MEI4: variants seen among roughly 807,000 people sequenced by gnomAD.
The protein encoded by MEI4 is meiotic double-stranded break formation protein 4, also known as meiosis-specific protein MEI4.
MEI4 carries 27 observed loss-of-function variants against 31.4 expected under a neutral mutation model. That is an observed-to-expected ratio of 0.86 (90% confidence interval 0.63 to 1.19). MEI4 has a LOEUF of 1.19. MEI4 is among the 50% of genes most tolerant of loss of function. The pLI is 0.00. For missense variants in MEI4, 329 were observed against 398.9 expected (o/e 0.82, Z 1.49); for synonymous variants, 122 against 145.4 (o/e 0.84, Z 1.16).
intron 3 of MEI4, among the ~76,000 whole-genome samples, chr6:77,772,496 CATATG>C (rs981708908): frequency 6.6e-6 from 1 of 151,902 alleles, no homozygotes; most frequent in Non-Finnish European, 1.5e-5. Flanking sequence ...GTGGAAAAAG[CATATG>C]ATAAACTTCA....
chr6:77,790,752 T>C (rs1582146362), intron 3 of MEI4, among the ~76,000 whole-genome samples: 1 of 152,062 alleles, frequency 6.6e-6, no homozygotes, highest in African/African-American at 2.4e-5. Context: ...TATATTTAAT[T>C]TTTAAGTCAA....
intron 4 of MEI4, among the ~76,000 whole-genome samples, chr6:77,871,693 A>C (rs1448541478): frequency 6.6e-6 from 1 of 152,154 alleles, no homozygotes; most frequent in African/African-American, 2.4e-5. Flanking sequence ...ACTGAATCTA[A>C]AATAAAAGTT....
At chr6:77,805,435 AT>A (rs1769404536) in intron 3 of MEI4, among the ~76,000 whole-genome samples, 1 of 152,154 alleles carries the variant, frequency 6.6e-6, no homozygotes, top group South Asian at 2.1e-4. Flanking sequence ...TATTTGAAAA[AT>A]CTTTTATGTA....
At chr6:77,743,472 G>C (rs912077894) in intron 2 of MEI4, among the ~76,000 whole-genome samples, 2 of 152,116 alleles carry the variant, frequency 1.3e-5, no homozygotes, top group South Asian at 4.1e-4. Context: ...CATTGATTTT[G>C]TATCCTGAGA....
chr6:77,910,197 G>T (rs910773454), intron 4 of MEI4, among the ~76,000 whole-genome samples: 2 of 152,116 alleles, frequency 1.3e-5, no homozygotes, highest in African/African-American at 4.8e-5. Flanking sequence ...AGTGTTGGAA[G>T]TTCTGGCCAG....
chr6:77,910,395 G>T (rs988585773), intron 4 of MEI4, among the ~76,000 whole-genome samples: 2 of 152,158 alleles, frequency 1.3e-5, no homozygotes, highest in African/African-American at 4.8e-5. Context: ...AAAATCACAA[G>T]CATTCTTATA....
In MEI4 at chr6:77,695,866, T is replaced by A. The variant is rs186476585; in HGVS notation, c.232+4963T>A. On this transcript the variant is annotated intron_variant, in intron 2 of 4. Transcript: ENST00000684080. The stretch of plus-strand genomic sequence containing the variant: ...AAATTACCTTGGGCAGTATGGCCAT[T>A]TTCACGATATAGATTCTTCCTACCC... Among the ~76,000 whole-genome samples, 1,193 of 152,316 alleles carry A rather than the reference T, an allele frequency of 7.8e-3. 19 individuals are homozygous for A. Among genetic ancestry groups the A allele is most frequent in the African/African-American group, 0.028 (1,144 of 41,566 alleles).
intron 1 of MEI4, among the ~76,000 whole-genome samples, chr6:77,666,215 G>T (rs551553505): frequency 6.6e-6 from 1 of 152,140 alleles, no homozygotes; most frequent in Admixed American, 6.5e-5. Context: ...TCTCAAGGGT[G>T]GGGAGAATTA....
chr6:77,782,035 C>G (rs2127691366), intron 3 of MEI4, among the ~76,000 whole-genome samples: 1 of 152,140 alleles, frequency 6.6e-6, no homozygotes, highest in African/African-American at 2.4e-5. Context: ...ACATTTTTGT[C>G]TGGGAAACAG....
intron 3 of MEI4, among the ~76,000 whole-genome samples, chr6:77,794,356 G>C (rs933026231): frequency 4.3e-4 from 66 of 152,256 alleles, no homozygotes; most frequent in African/African-American, 1.6e-3. Context: ...GAGGTCAGGA[G>C]ATCGAGACCA....
chr6:77,902,530 A>G (rs1417766824), intron 4 of MEI4, among the ~76,000 whole-genome samples: 1 of 152,096 alleles, frequency 6.6e-6, no homozygotes, highest in Non-Finnish European at 1.5e-5. Context: ...TAGAAGCACT[A>G]CTGATTTTTG....
chr6:77,854,609 A>G (rs1379208745), intron 4 of MEI4, among the ~76,000 whole-genome samples: 4 of 152,180 alleles, frequency 2.6e-5, no homozygotes, highest in Non-Finnish European at 2.9e-5. Flanking sequence ...TAATAGCCAC[A>G]TAACAGTAGC....
intron 4 of MEI4, among the ~76,000 whole-genome samples, chr6:77,862,480 G>A (rs1770892374): frequency 6.6e-6 from 1 of 152,208 alleles, no homozygotes; most frequent in Non-Finnish European, 1.5e-5. Context: ...CTCTTTGCTA[G>A]CACAGCAGTC....
intron 4 of MEI4, among the ~76,000 whole-genome samples, chr6:77,869,726 T>C (rs1189408528): frequency 2.0e-5 from 3 of 152,018 alleles, no homozygotes; most frequent in Non-Finnish European, 2.9e-5. Flanking sequence ...GGTGGCAGAG[T>C]TGACATTTGA....
intron 4 of MEI4, among the ~76,000 whole-genome samples, chr6:77,907,321 T>G (rs1766319493): frequency 6.6e-6 from 1 of 152,146 alleles, no homozygotes; most frequent in Admixed American, 6.6e-5. Context: ...CGGTGTGTGA[T>G]GTTCCCCTTC....
At chr6:77,899,569 A>T in intron 4 of MEI4, among the ~76,000 whole-genome samples, 1 of 152,092 alleles carries the variant, frequency 6.6e-6, no homozygotes, top group East Asian at 1.9e-4. Flanking sequence ...ATGTTCAGGC[A>T]AAACACCTTG....
In MEI4 at chr6:77,803,832, A is replaced by T. The variant is rs552986101; in HGVS notation, c.769-25099A>T. The stretch of plus-strand genomic sequence containing the variant: ...GTTGCTGCCCGATCGTTCCTATGGA[A>T]GTTTTGTCTCAGAGGAGTACCCAGC... On this transcript the variant is annotated intron_variant, in intron 3 of 4. Coordinates refer to ENST00000684080, the MANE Select transcript of MEI4 (RefSeq NM_001322247.2). 6.6e-5 allele frequency among the ~76,000 whole-genome samples: 10 copies of T among 152,182 alleles called. No homozygotes were observed. In the South Asian group the frequency reaches 1.7e-3, roughly 25 times the overall value.
chr6:77,747,145 C>G (rs62418031), intron 2 of MEI4, among the ~76,000 whole-genome samples: 1 of 151,972 alleles, frequency 6.6e-6, no homozygotes, highest in Non-Finnish European at 1.5e-5. Context: ...AACCTCATCT[C>G]TACTAAAAAT....
chr6:77,876,180 A>G (rs982830966), intron 4 of MEI4, among the ~76,000 whole-genome samples: 1 of 152,304 alleles, frequency 6.6e-6, no homozygotes, highest in Non-Finnish European at 1.5e-5. Context: ...ATGAAAACGC[A>G]GAATTATACT....
Sources: allele counts gnomAD v4.1 joint callset (sites outside exome capture counted in the v4.1 genomes callset), GRCh38; gene constraint gnomAD v4.1.1; transcripts MANE v1.5; gene names NCBI Gene and HGNC (gene_info 2026-07-23, HGNC 2026-07-21).